Variants in JARID2 observed in about 807,000 individuals in gnomAD.
JARID2 encodes protein Jumonji.
JARID2 carries 21 observed loss-of-function variants against 125.6 expected under a neutral mutation model. The observed-to-expected ratio is 0.17, with a 90% confidence interval of 0.12 to 0.24. The LOEUF (loss-of-function observed/expected upper bound fraction) is 0.24, where lower values mean the gene tolerates loss of function less well. JARID2 is among the 10% of genes least tolerant of loss of function. The pLI, the probability that JARID2 is intolerant of heterozygous loss-of-function variation, is 1.00. For synonymous variants in JARID2, 736 were observed against 661.6 expected, an observed-to-expected ratio of 1.11 and a Z score of -1.73; for missense variants, 1,303 against 1,639.6, an observed-to-expected ratio of 0.79 and a Z score of 3.55.
intron 8 of JARID2, 108 bp from the exon 9 acceptor site, chr6:15,504,392 C>T: frequency 1.3e-6 from 1 of 768,860 alleles, no homozygotes; most frequent in Non-Finnish European, 2.3e-6. Flanking sequence ...AGGTGGCCCA[C>T]AGCCGCAGGG....
intron 2 of JARID2, among the ~76,000 whole-genome samples, chr6:15,397,458 T>C (rs1378408277): frequency 6.6e-6 from 1 of 152,154 alleles, no homozygotes; most frequent in African/African-American, 2.4e-5. Context: ...AAATTATTAA[T>C]AGCGTGGTAC....
chr6:15,350,621 A>G (rs1561807882), intron 1 of JARID2, among the ~76,000 whole-genome samples: 2 of 152,254 alleles, frequency 1.3e-5, no homozygotes, highest in East Asian at 3.9e-4. Context: ...GGTTGTTCAT[A>G]ACCTCATCAC....
intron 3 of JARID2, among the ~76,000 whole-genome samples, chr6:15,421,521 CAT>C (rs1381744156): frequency 6.6e-6 from 1 of 151,944 alleles, no homozygotes; most frequent in South Asian, 2.1e-4. Flanking sequence ...AACTCCATTC[CAT>C]AATAAAGCCT....
chr6:15,454,115 C>T (rs1408888707), intron 4 of JARID2, among the ~76,000 whole-genome samples: 1 of 152,140 alleles, frequency 6.6e-6, no homozygotes, highest in Non-Finnish European at 1.5e-5. Flanking sequence ...GAACTTGGCT[C>T]CTGTAATCCT....
At chr6:15,439,221 C>T (rs528178410) in intron 3 of JARID2, among the ~76,000 whole-genome samples, 4 of 152,076 alleles carry the variant, frequency 2.6e-5, no homozygotes, top group Admixed American at 2.6e-4. Context: ...GGACATTGCT[C>T]ATTTAAGAAG....
intron 2 of JARID2, among the ~76,000 whole-genome samples, chr6:15,383,457 A>G (rs1173655797): frequency 6.6e-6 from 1 of 152,130 alleles, no homozygotes; most frequent in African/African-American, 2.4e-5. Flanking sequence ...CCACCATTGT[A>G]GAAACATGTT....
Position 15,267,750 on chromosome 6 carries a change from G to A in JARID2, c.45+21166G>A, listed in dbSNP as rs546176520. On this transcript the variant is annotated intron_variant, in intron 1 of 17. Coordinates refer to ENST00000341776, the MANE Select transcript of JARID2 (RefSeq NM_004973.4). The stretch of plus-strand genomic sequence containing the variant: ...CAGTGCTTTGTTACTGTGCACCTCT[G>A]TAGATATGCAGTAGGGGGTTTTTGG... 3.9e-5 allele frequency among the ~76,000 whole-genome samples: 6 copies of A among 152,248 alleles called. No homozygotes were observed. The South Asian group carries it at 1.0e-3, about 26-fold the overall frequency.
Position 15,520,110 on chromosome 6 carries a change from G to C in JARID2, c.3600G>C (p.Val1200=). 6.2e-7 allele frequency: 1 copy of C among 1,613,810 alleles called. No individual in the cohort carries two copies. The highest frequency in any genetic ancestry group is 8.5e-7 in the Non-Finnish European group (1 of 1,179,890). ...ISLVNQICGK[V]SGKNGSIENC... is the part of the protein sequence containing the mutation. ...TGGTCAATCAGATCTGCGGCAAAGTGTCTGGTAAAAACGGCAGCATTGAGA... is the reference window on the plus strand; with the variant it reads ...TGGTCAATCAGATCTGCGGCAAAGTCTCTGGTAAAAACGGCAGCATTGAGA... Residue 1200 remains valine, a synonymous_variant, in exon 18 of 18, where the codon GTG becomes GTC. Coordinates refer to ENST00000341776, the MANE Select transcript of JARID2 (RefSeq NM_004973.4).
chr6:15,475,217 T>C (rs1436161308), intron 5 of JARID2, among the ~76,000 whole-genome samples: 2 of 152,236 alleles, frequency 1.3e-5, no homozygotes, highest in Non-Finnish European at 2.9e-5. Flanking sequence ...TTTATTTAAA[T>C]GTGACATAAT....
chr6:15,478,348 G>C (rs986252023), intron 5 of JARID2, among the ~76,000 whole-genome samples: 1 of 152,108 alleles, frequency 6.6e-6, no homozygotes, highest in African/African-American at 2.4e-5. Flanking sequence ...TTGGGGTTGT[G>C]GGGGAGGATA....
chr6:15,478,285 T>C (rs1769446477), intron 5 of JARID2, among the ~76,000 whole-genome samples: 1 of 152,200 alleles, frequency 6.6e-6, no homozygotes, highest in African/African-American at 2.4e-5. Context: ...CTTTAAGCTT[T>C]AGTTTTCCTC....
At chr6:15,290,518 G>A (rs993828614) in intron 1 of JARID2, among the ~76,000 whole-genome samples, 1 of 152,202 alleles carries the variant, frequency 6.6e-6, no homozygotes, top group Non-Finnish European at 1.5e-5. Flanking sequence ...ATCCTTGACA[G>A]CTTGGTATTG....
chr6:15,382,339 C>T (rs750756786), intron 2 of JARID2, among the ~76,000 whole-genome samples: 12 of 152,156 alleles, frequency 7.9e-5, no homozygotes, highest in Non-Finnish European at 1.3e-4. Context: ...ATGTCAGAGA[C>T]CCAGTCCTAA....
chr6:15,260,210 G>T (rs568703709), intron 1 of JARID2, among the ~76,000 whole-genome samples: 1 of 152,194 alleles, frequency 6.6e-6, no homozygotes, highest in East Asian at 1.9e-4. Flanking sequence ...GGCCAGGGAG[G>T]GTCTGGATTT....
intron 1 of JARID2, among the ~76,000 whole-genome samples, chr6:15,366,490 T>G (rs868593283): frequency 0.012 from 765 of 64,448 alleles, 12 homozygotes; most frequent in African/African-American, 0.047. Context: ...TCTAGCGATC[T>G]CTATATGTGG....
chr6:15,456,501 G>A (rs935612337), intron 4 of JARID2, among the ~76,000 whole-genome samples: 11 of 152,042 alleles, frequency 7.2e-5, no homozygotes, highest in Admixed American at 3.9e-4. Flanking sequence ...TTTTCTGTTC[G>A]TATACAATAT....
rs115094270 is a variant in JARID2, at chr6:15,449,974, G to A, written c.324-2032G>A. Among the ~76,000 whole-genome samples, 1,152 of 152,144 alleles carry A rather than the reference G, an allele frequency of 7.6e-3. 15 individuals are homozygous for A. The highest frequency in any genetic ancestry group is 0.026 in the African/African-American group (1,078 of 41,504). On this transcript the variant is annotated intron_variant, in intron 3 of 17. Transcript: ENST00000341776. ...AGGATTTATGAGGTTAAATTTAAAG[G>A]TATTAGTTTTGATGAAGTAGGCAAT...
At chr6:15,411,532 C>T (rs762763107) in intron 3 of JARID2, among the ~76,000 whole-genome samples, 9 of 152,136 alleles carry the variant, frequency 5.9e-5, no homozygotes, top group Non-Finnish European at 1.0e-4. Flanking sequence ...AGGATCTTCC[C>T]GTGTACTGAG....
At chr6:15,345,585 A>C (rs1037278787) in intron 1 of JARID2, among the ~76,000 whole-genome samples, 2 of 152,242 alleles carry the variant, frequency 1.3e-5, no homozygotes, top group African/African-American at 4.8e-5. Flanking sequence ...ATAATTAAAC[A>C]TATTAATTTA....
Sources: gnomAD v4.1 joint callset for allele counts (sites outside exome capture counted in the v4.1 genomes callset) on GRCh38, gnomAD v4.1.1 for gene constraint, MANE v1.5 for transcripts, NCBI Gene and HGNC (gene_info 2026-07-23, HGNC 2026-07-21) for gene names.